INSYN2B: variants seen among roughly 807,000 people sequenced by gnomAD.
INSYN2B encodes inhibitory synaptic factor family member 2B.
A neutral mutation model predicts 41.2 loss-of-function variants in INSYN2B; 16 were observed. The observed-to-expected ratio is 0.39, with a 90% CI of 0.26 to 0.59. INSYN2B has a LOEUF of 0.59. INSYN2B is among the 20% of genes least tolerant of loss of function. The pLI is 0.57. For missense variants in INSYN2B, 608 were observed against 646.4 expected (o/e 0.94, Z 0.64); for synonymous variants, 245 against 244.4 (o/e 1.00, Z -0.02).
chr5:169,867,397 G>A (rs1389187300), intron 3 of INSYN2B, among the ~76,000 whole-genome samples: 1 of 150,660 alleles, frequency 6.6e-6, no homozygotes, highest in Non-Finnish European at 1.5e-5. Context: ...GGAACCATGG[G>A]TGAAAACCTC....
In INSYN2B at chr5:169,861,690, GTA is replaced by G. The variant is rs1771207994; in HGVS notation, c.*2581_*2582del. Reference sequence around the variant, plus strand: ...ATGAATAAGTGAGTATGCAGTTTTGGTATATGTGTGTGTGGTGTTTTAAACAT... The same window carrying G: ...ATGAATAAGTGAGTATGCAGTTTTGGTATGTGTGTGTGGTGTTTTAAACAT... On this transcript the variant is annotated 3_prime_UTR_variant, in exon 4 of 4. Coordinates refer to ENST00000377365, the MANE Select transcript of INSYN2B (RefSeq NM_001129891.3). Among the ~76,000 whole-genome samples, 1 of 152,174 alleles carries G rather than the reference GTA, an allele frequency of 6.6e-6. No individual in the cohort carries two copies. The highest frequency in any genetic ancestry group is 1.5e-5 in the Non-Finnish European group (1 of 68,042).
rs919257548 is a variant in INSYN2B at position 169,883,304 on chromosome 5, T to G, written c.595A>C (p.Thr199Pro). 1 of 1,551,498 alleles carries G rather than the reference T, an allele frequency of 6.4e-7. No individual in the cohort carries two copies. Among genetic ancestry groups the G allele is most frequent in the Admixed American group, 2.0e-5 (1 of 50,986 alleles). The change falls in exon 2 of 4, where the codon ACA (threonine) becomes CCA (proline). Residue 199 changes from threonine (T) to proline (P), a missense_variant. By Grantham distance (38) the Thr-to-Pro change is conservative. Coordinates refer to ENST00000377365, the MANE Select transcript of INSYN2B (RefSeq NM_001129891.3). ...AGTWRSLEKA[T>P]AAIQVPDDIY... ...TCATCTGGAACCTGAATGGCAGCTG[T>G]GGCTTTCTCTAAGGACCTCCAAGTT...
chr5:169,976,099 G>A (rs2113773801), intron 1 of INSYN2B, among the ~76,000 whole-genome samples: 1 of 152,174 alleles, frequency 6.6e-6, no homozygotes, highest in Non-Finnish European at 1.5e-5. Flanking sequence ...TTTTGGAGAT[G>A]GGAAATTCTA....
In INSYN2B at chr5:169,883,582, T is replaced by C; in HGVS notation, c.317A>G (p.His106Arg). The C allele has an allele frequency of 4.5e-6, 7 of 1,551,634 alleles. No individual in the cohort carries two copies. Among genetic ancestry groups the C allele is most frequent in the Non-Finnish European group, 6.1e-6 (7 of 1,146,952 alleles). ...AIQTSPSLRK[H>R]FPVFKRKRLT... ...TCTCTTCCTTTTGAAAACTGGGAAATGCTTCCTGAGACTGGGGGAAGTTTG... is the reference window on the plus strand; with the variant it reads ...TCTCTTCCTTTTGAAAACTGGGAAACGCTTCCTGAGACTGGGGGAAGTTTG... Residue 106 changes from histidine (H) to arginine (R), a missense_variant, in exon 2 of 4, where the codon CAT becomes CGT. His to Arg is a conservative substitution (Grantham distance 29). Transcript: ENST00000377365.
intron 1 of INSYN2B, among the ~76,000 whole-genome samples, chr5:169,969,480 T>C (rs948476630): frequency 1.3e-5 from 2 of 152,132 alleles, no homozygotes; most frequent in Non-Finnish European, 2.9e-5. Flanking sequence ...TGAATTGGAC[T>C]TCATTTGTGT....
At chr5:169,900,208 G>T (rs182495308) in intron 1 of INSYN2B, among the ~76,000 whole-genome samples, 1 of 152,182 alleles carries the variant, frequency 6.6e-6, no homozygotes, top group Non-Finnish European at 1.5e-5. Flanking sequence ...TTTAAGCAAG[G>T]TCAGGTATTG....
rs1362707610 is a variant in INSYN2B, at chr5:169,862,022, G to T, written c.*2251C>A. ...TAATTCAGTTAAGGGTTCATGTGAG[G>T]GCCTCAACTGGAAACATATCTATGA... On this transcript the variant is annotated 3_prime_UTR_variant, in exon 4 of 4. Transcript: ENST00000377365. Among the ~76,000 whole-genome samples, 1 of 151,562 alleles carries T rather than the reference G, an allele frequency of 6.6e-6. No individual in the cohort carries two copies. The highest frequency in any genetic ancestry group is 1.9e-4 in the East Asian group (1 of 5,176).
chr5:169,875,455 C>G (rs1288843085), intron 3 of INSYN2B: 2 of 364,592 alleles, frequency 5.5e-6, no homozygotes, highest in Admixed American at 6.9e-5. Flanking sequence ...CCACTGAGAC[C>G]TAATATCCTT....
chr5:169,954,338 T>A (rs1776781295), intron 1 of INSYN2B, among the ~76,000 whole-genome samples: 1 of 152,266 alleles, frequency 6.6e-6, no homozygotes, highest in Non-Finnish European at 1.5e-5. Context: ...AACTTAACAA[T>A]TAATGATGTT....
intron 1 of INSYN2B, among the ~76,000 whole-genome samples, chr5:169,964,437 A>C (rs1777217129): frequency 6.6e-6 from 1 of 152,210 alleles, no homozygotes; most frequent in South Asian, 2.1e-4. Context: ...AGCAGGAGAG[A>C]GGCCTGGGAG....
At chr5:169,897,550 G>A (rs553739361) in intron 1 of INSYN2B, among the ~76,000 whole-genome samples, 26 of 152,286 alleles carry the variant, frequency 1.7e-4, no homozygotes, top group African/African-American at 5.8e-4. Context: ...TCCCTTTAAA[G>A]ACTTCACTAC....
chr5:169,972,061 G>A (rs1473382273), intron 1 of INSYN2B, among the ~76,000 whole-genome samples: 2 of 152,172 alleles, frequency 1.3e-5, no homozygotes, highest in Non-Finnish European at 2.9e-5. Context: ...CAACTTCCCA[G>A]ACAGTCACTA....
chr5:169,875,704 T>C (rs1284481701), intron 3 of INSYN2B: 1 of 164,074 alleles, frequency 6.1e-6, no homozygotes, highest in Non-Finnish European at 1.3e-5. Flanking sequence ...TTGTGAGGAT[T>C]AAGTGTGAAA....
intron 3 of INSYN2B, among the ~76,000 whole-genome samples, chr5:169,868,831 A>G (rs1771762221): frequency 6.6e-6 from 1 of 152,218 alleles, no homozygotes; most frequent in African/African-American, 2.4e-5. Flanking sequence ...TGGGTAGAAA[A>G]GACCGGGAGA....
intron 3 of INSYN2B, chr5:169,875,319 C>T (rs1317773613): frequency 2.2e-6 from 1 of 456,700 alleles, no homozygotes; most frequent in Non-Finnish European, 4.4e-6. Flanking sequence ...TTTCCATAGA[C>T]ACCCAGGAGG....
chr5:169,957,277 T>C (rs1278692345), intron 1 of INSYN2B, among the ~76,000 whole-genome samples: 3 of 152,240 alleles, frequency 2.0e-5, no homozygotes, highest in African/African-American at 4.8e-5. Flanking sequence ...ACTTAACTGC[T>C]CTGAGCCCCA....
At chr5:169,964,778 G>A (rs745815972) in intron 1 of INSYN2B, among the ~76,000 whole-genome samples, 26 of 152,214 alleles carry the variant, frequency 1.7e-4, no homozygotes, top group Admixed American at 1.0e-3. Flanking sequence ...GAGCAAAAGT[G>A]TCTTCATTTG....
rs188607126 is a variant in INSYN2B at position 169,955,245 on chromosome 5, G to A, written c.-919+25032C>T. Among the ~76,000 whole-genome samples, 12 of 152,242 alleles carry A rather than the reference G, an allele frequency of 7.9e-5. No homozygotes were observed. In the East Asian group the frequency reaches 9.7e-4, roughly 12 times the overall value. On this transcript the variant is annotated intron_variant, in intron 1 of 3. Transcript: ENST00000377365. ...AGGAGAAGGGGAGATGCCCCTGCCC[G>A]GGACCACACAGGACAGAAGGGCATC...
chr5:169,922,821 C>T (rs1775244358), intron 1 of INSYN2B, among the ~76,000 whole-genome samples: 1 of 152,148 alleles, frequency 6.6e-6, no homozygotes, highest in Non-Finnish European at 1.5e-5. Flanking sequence ...GTATCTGATA[C>T]ATTCTGGGTG....
Sources: gnomAD v4.1 joint callset for allele counts (sites outside exome capture counted in the v4.1 genomes callset) on GRCh38, gnomAD v4.1.1 for gene constraint, MANE v1.5 for transcripts, NCBI Gene and HGNC (gene_info 2026-07-23, HGNC 2026-07-21) for gene names.